Variants in ERBB4 observed in about 807,000 individuals in gnomAD.
ERBB4 encodes the protein erb-b2 receptor tyrosine kinase 4.
ERBB4 carries 42 observed loss-of-function variants against 158.0 expected under a neutral mutation model. That is an observed-to-expected ratio of 0.27 (90% CI 0.21 to 0.34). The LOEUF is 0.34. ERBB4 is among the 10% of genes least tolerant of loss of function. ERBB4 has a pLI of 1.00. For synonymous variants in ERBB4, 583 were observed against 558.7 expected (o/e 1.04, Z -0.61); for missense variants, 1,333 against 1,624.1 (o/e 0.82, Z 3.08).
At chr2:212,191,862 ATAT>A in intron 1 of ERBB4, among the ~76,000 whole-genome samples, 1 of 85,550 alleles carries the variant, frequency 1.2e-5, no homozygotes, top group South Asian at 4.8e-4. Context: ...TATGTTCTAT[ATAT>A]TATATATAAT....
chr2:212,033,043 A>G (rs1190683737), intron 2 of ERBB4, among the ~76,000 whole-genome samples: 1 of 152,014 alleles, frequency 6.6e-6, no homozygotes, highest in Non-Finnish European at 1.5e-5. Context: ...GATATTGAGT[A>G]ACATTGAGTC....
chr2:212,017,007 AT>A (rs1235790667), intron 2 of ERBB4, among the ~76,000 whole-genome samples: 2 of 152,288 alleles, frequency 1.3e-5, no homozygotes, highest in African/African-American at 4.8e-5. Flanking sequence ...TATTTTTAAA[AT>A]GTCACTAAAA....
intron 1 of ERBB4, among the ~76,000 whole-genome samples, chr2:212,242,110 C>A (rs897409341): frequency 6.6e-6 from 1 of 151,824 alleles, no homozygotes; most frequent in Non-Finnish European, 1.5e-5. Flanking sequence ...ACCTCAATCT[C>A]AACATAACAA....
intron 24 of ERBB4, 93 bp from the exon 25 acceptor site, chr2:211,420,704 A>C: frequency 8.8e-7 from 1 of 1,134,900 alleles, no homozygotes; most frequent in Non-Finnish European, 1.3e-6. Flanking sequence ...ATCATAACAA[A>C]TGGTTGAAAA....
intron 19 of ERBB4, among the ~76,000 whole-genome samples, chr2:211,576,183 A>G (rs547995867): frequency 6.6e-6 from 1 of 152,166 alleles, no homozygotes; most frequent in Non-Finnish European, 1.5e-5. Context: ...AAGAAAATAT[A>G]TGGTGTCACA....
chr2:212,188,071 T>A (rs16847859), intron 1 of ERBB4, among the ~76,000 whole-genome samples: 1,920 of 152,136 alleles, frequency 0.013, 25 homozygotes, highest in African/African-American at 0.044. Flanking sequence ...AGCTCTAGAA[T>A]TCCTTAACTT....
chr2:212,483,249 T>C (rs894869915), intron 1 of ERBB4, among the ~76,000 whole-genome samples: 1 of 152,182 alleles, frequency 6.6e-6, no homozygotes, highest in Non-Finnish European at 1.5e-5. Flanking sequence ...GCTCATAATT[T>C]TTGCAGGAGG....
In ERBB4 at chr2:211,760,718, A is replaced by C. The variant is rs529401253; in HGVS notation, c.557-10014T>G. Among the ~76,000 whole-genome samples the C allele has an allele frequency of 2.2e-4, 34 of 152,308 alleles. No individual in the cohort carries two copies. The South Asian group carries it at 6.2e-3, about 28-fold the overall frequency. ...TTTGGACTTAAATGTTTATCCTAAA[A>C]ATGGAGGTGTACACTATACTGCATA... On this transcript the variant is annotated intron_variant, in intron 4 of 27. Coordinates refer to ENST00000342788, the MANE Select transcript of ERBB4 (RefSeq NM_005235.3).
chr2:212,213,912 T>G (rs2083014554), intron 1 of ERBB4, among the ~76,000 whole-genome samples: 1 of 151,824 alleles, frequency 6.6e-6, no homozygotes, highest in South Asian at 2.1e-4. Flanking sequence ...AGAATTCAGA[T>G]TTCTTTGGTG....
chr2:211,891,341 A>T (rs1385133767), intron 3 of ERBB4, among the ~76,000 whole-genome samples: 3 of 106,964 alleles, frequency 2.8e-5, no homozygotes, highest in Non-Finnish European at 5.6e-5. Context: ...AGAAATAAAG[A>T]TGTTCTTTGA....
chr2:212,149,569 C>T (rs962952620), intron 1 of ERBB4, among the ~76,000 whole-genome samples: 1 of 152,126 alleles, frequency 6.6e-6, no homozygotes, highest in Admixed American at 6.5e-5. Flanking sequence ...GTAGCATATG[C>T]AGTTAAAATG....
chr2:211,696,884 G>T (rs2073043945), intron 12 of ERBB4, among the ~76,000 whole-genome samples: 2 of 152,126 alleles, frequency 1.3e-5, no homozygotes, highest in Middle Eastern at 3.4e-3. Flanking sequence ...TGGCCAGGCT[G>T]GTCTCAAACT....
At chr2:212,355,800 A>G (rs2089441685) in intron 1 of ERBB4, among the ~76,000 whole-genome samples, 1 of 151,872 alleles carries the variant, frequency 6.6e-6, no homozygotes, top group Admixed American at 6.6e-5. Flanking sequence ...ATGTATGTAT[A>G]TATGTGTGTA....
chr2:211,422,126 A>G (rs760038636), intron 23 of ERBB4, 22 bp from the exon 24 acceptor site: 9 of 1,418,068 alleles, frequency 6.3e-6, no homozygotes, highest in Non-Finnish European at 9.0e-6. Flanking sequence ...CACAGTGAAA[A>G]TGTCACTATA....
chr2:212,041,976 G>C (rs1430023820), intron 2 of ERBB4, among the ~76,000 whole-genome samples: 3 of 152,044 alleles, frequency 2.0e-5, no homozygotes, highest in Non-Finnish European at 4.4e-5. Context: ...TAGCTGATGA[G>C]CAATTAAATT....
At chr2:212,483,767 T>C (rs1368499815) in intron 1 of ERBB4, among the ~76,000 whole-genome samples, 2 of 152,156 alleles carry the variant, frequency 1.3e-5, no homozygotes, top group Non-Finnish European at 2.9e-5. Context: ...GACTGAGTCT[T>C]GCTCTATTGC....
At chr2:211,706,210 A>G (rs1396983480) in intron 9 of ERBB4, among the ~76,000 whole-genome samples, 1 of 152,208 alleles carries the variant, frequency 6.6e-6, no homozygotes, top group Admixed American at 6.5e-5. Context: ...AACTTCTAAG[A>G]ACAGTGATCT....
At chr2:211,840,051 G>A (rs1292238167) in intron 3 of ERBB4, among the ~76,000 whole-genome samples, 1 of 152,042 alleles carries the variant, frequency 6.6e-6, no homozygotes, top group Non-Finnish European at 1.5e-5. Flanking sequence ...GGATGACAGT[G>A]AAGCTCTGTG....
chr2:212,364,232 C>T (rs1209407515), intron 1 of ERBB4, among the ~76,000 whole-genome samples: 2 of 151,614 alleles, frequency 1.3e-5, no homozygotes, highest in South Asian at 2.1e-4. Flanking sequence ...GGAGAATACC[C>T]GGGAAGTGAT....
Sources: allele counts gnomAD v4.1 joint callset (sites outside exome capture counted in the v4.1 genomes callset), GRCh38; gene constraint gnomAD v4.1.1; transcripts MANE v1.5; gene names NCBI Gene and HGNC (gene_info 2026-07-23, HGNC 2026-07-21).